GABRB2: variants seen among roughly 807,000 people sequenced by gnomAD.
The protein encoded by GABRB2 is gamma-aminobutyric acid type A receptor subunit beta2.
GABRB2 carries 16 observed loss-of-function variants against 54.7 expected under a neutral mutation model. That is an observed-to-expected ratio of 0.29 (90% confidence interval 0.20 to 0.44). The LOEUF (loss-of-function observed/expected upper bound fraction) is 0.44, where lower values mean the gene tolerates loss of function less well. Among genes scored for constraint, GABRB2 ranks in the 20% least tolerant of loss-of-function variants. GABRB2 has a pLI of 1.00. For synonymous variants in GABRB2, 244 were observed against 233.8 expected (o/e 1.04, Z -0.40); for missense variants, 355 against 644.0 (o/e 0.55, Z 4.86).
chr5:161,345,283 G>C (rs2194159), intron 5 of GABRB2, among the ~76,000 whole-genome samples: 104,549 of 151,878 alleles, frequency 0.69, 37,082 homozygotes, highest in Non-Finnish European at 0.77. Context: ...ATGAAAAAAA[G>C]TTGATGATCT....
chr5:161,446,649 A>C (rs1023264766), intron 4 of GABRB2, among the ~76,000 whole-genome samples: 4 of 152,114 alleles, frequency 2.6e-5, no homozygotes, highest in African/African-American at 7.2e-5. Context: ...GATTCAGTTC[A>C]CTTTTCTTTA....
In GABRB2 at chr5:161,294,122, A is replaced by T; in HGVS notation, c.1498T>A (p.Ser500Thr). Residue 500 changes from serine (S) to threonine (T), a missense_variant, in exon 10 of 10, where the codon TCC (serine) becomes ACC (threonine). Around this residue, in one of 6 missense-constraint regions of GABRB2, gnomAD observed 201 missense variants for 228.1 expected, o/e 0.88. Coordinates refer to ENST00000393959, the MANE Select transcript of GABRB2 (RefSeq NM_001371727.1). ...WSRIFFPVVF[S>T]FFNIVYWLYY... ...AGCCAATAGACGATGTTGAAGAAGG[A>T]AAAAACCACTGGGAAGAATATGCGG... The T allele has an allele frequency of 6.2e-7, 1 of 1,613,872 alleles. No individual in the cohort carries two copies. The highest frequency in any genetic ancestry group is 8.5e-7 in the Non-Finnish European group (1 of 1,179,746).
chr5:161,516,036 G>A (rs1759936250), intron 3 of GABRB2, among the ~76,000 whole-genome samples: 1 of 152,152 alleles, frequency 6.6e-6, no homozygotes, highest in South Asian at 2.1e-4. Context: ...GGACTTTGTA[G>A]TGTCACTCCT....
intron 6 of GABRB2, among the ~76,000 whole-genome samples, chr5:161,335,481 A>G (rs1753966228): frequency 6.6e-6 from 1 of 152,130 alleles, no homozygotes; most frequent in Admixed American, 6.5e-5. Flanking sequence ...CATTTGAGCA[A>G]TATTTGTGGG....
chr5:161,297,297 T>C (rs1401132504), intron 9 of GABRB2, among the ~76,000 whole-genome samples: 5 of 152,192 alleles, frequency 3.3e-5, no homozygotes, highest in African/African-American at 9.7e-5. Context: ...ATTTTTATTA[T>C]TTTACATTAA....
At chr5:161,508,410 G>A (rs1156313345) in intron 3 of GABRB2, among the ~76,000 whole-genome samples, 1 of 150,600 alleles carries the variant, frequency 6.6e-6, no homozygotes, top group Non-Finnish European at 1.5e-5. Context: ...CCCAATTTTA[G>A]AGATGAGGCT....
At chr5:161,472,333 C>T (rs1758464877) in intron 3 of GABRB2, among the ~76,000 whole-genome samples, 1 of 151,600 alleles carries the variant, frequency 6.6e-6, no homozygotes, top group Non-Finnish European at 1.5e-5. Context: ...CTCTGGAACA[C>T]CCATCTTACT....
At chr5:161,489,725 G>A (rs1047245783) in intron 3 of GABRB2, among the ~76,000 whole-genome samples, 10 of 151,660 alleles carry the variant, frequency 6.6e-5, no homozygotes, top group Middle Eastern at 3.2e-3. Context: ...TCAAGAAGCT[G>A]TTCTTTGAGA....
intron 5 of GABRB2, among the ~76,000 whole-genome samples, chr5:161,382,278 A>G (rs981080951): frequency 6.6e-6 from 1 of 152,206 alleles, no homozygotes; most frequent in Non-Finnish European, 1.5e-5. Flanking sequence ...TCTGGAGAGC[A>G]TGTCGTTATG....
chr5:161,313,662 A>C (rs994781283), intron 9 of GABRB2, among the ~76,000 whole-genome samples: 1 of 152,184 alleles, frequency 6.6e-6, no homozygotes, highest in Admixed American at 6.5e-5. Flanking sequence ...CTTCAAAGTT[A>C]CCACCTTCCA....
chr5:161,480,740 G>A (rs1758737160), intron 3 of GABRB2, among the ~76,000 whole-genome samples: 1 of 152,048 alleles, frequency 6.6e-6, no homozygotes, highest in African/African-American at 2.4e-5. Flanking sequence ...TAGTGTTTAA[G>A]CAAATCATTT....
chr5:161,389,169 G>T, intron 5 of GABRB2, among the ~76,000 whole-genome samples: 1 of 151,982 alleles, frequency 6.6e-6, no homozygotes, highest in Middle Eastern at 3.2e-3. Flanking sequence ...TATAGCAACA[G>T]AGAGTGGGAA....
intron 3 of GABRB2, among the ~76,000 whole-genome samples, chr5:161,473,582 C>T (rs755361135): frequency 5.3e-5 from 8 of 151,998 alleles, no homozygotes; most frequent in Non-Finnish European, 1.0e-4. Flanking sequence ...AGGGTTTGAT[C>T]TCACTTAAAA....
chr5:161,522,434 C>A (rs550684551), intron 3 of GABRB2, among the ~76,000 whole-genome samples: 12 of 151,846 alleles, frequency 7.9e-5, no homozygotes, highest in African/African-American at 2.9e-4. Flanking sequence ...TTCTGAAAAA[C>A]AATTGCAAAC....
chr5:161,467,196 T>C (rs139516738), intron 3 of GABRB2, among the ~76,000 whole-genome samples: 55 of 152,238 alleles, frequency 3.6e-4, no homozygotes, highest in South Asian at 1.0e-3. Flanking sequence ...TTCTTCTAGA[T>C]AACAGCTTTG....
chr5:161,464,737 T>A (rs1758226079), intron 3 of GABRB2, among the ~76,000 whole-genome samples: 1 of 152,106 alleles, frequency 6.6e-6, no homozygotes, highest in Non-Finnish European at 1.5e-5. Context: ...CTTATTGATA[T>A]AAGCAATATC....
intron 3 of GABRB2, among the ~76,000 whole-genome samples, chr5:161,523,796 A>G (rs1341742261): frequency 6.6e-6 from 1 of 151,270 alleles, no homozygotes; most frequent in Non-Finnish European, 1.5e-5. Context: ...TTATATATAT[A>G]CTGTAGGACT....
At chr5:161,515,983 C>T (rs1759934167) in intron 3 of GABRB2, among the ~76,000 whole-genome samples, 1 of 152,200 alleles carries the variant, frequency 6.6e-6, no homozygotes, top group Non-Finnish European at 1.5e-5. Flanking sequence ...CCTGCTGCTT[C>T]ATGGAGGTTT....
At chr5:161,408,103 C>T (rs748557021) in intron 5 of GABRB2, among the ~76,000 whole-genome samples, 23 of 151,896 alleles carry the variant, frequency 1.5e-4, no homozygotes, top group Non-Finnish European at 2.2e-4. Flanking sequence ...CATGTATTGA[C>T]TTAAATTAGA....
Sources: allele counts gnomAD v4.1 joint callset (sites outside exome capture counted in the v4.1 genomes callset), GRCh38; gene constraint gnomAD v4.1.1; regional missense constraint gnomAD v4.1.1; transcripts MANE v1.5; gene names NCBI Gene and HGNC (gene_info 2026-07-23, HGNC 2026-07-21).